FABP6: variants seen among roughly 807,000 people sequenced by gnomAD.
The protein encoded by FABP6 is gastrotropin.
FABP6 carries 13 observed loss-of-function variants against 14.9 expected under a neutral mutation model. That is an observed-to-expected ratio of 0.87 (90% CI 0.57 to 1.39). The LOEUF is 1.39. Among genes scored for constraint, FABP6 ranks in the 40% most tolerant of loss-of-function variants. The pLI is 0.00. For synonymous variants in FABP6, 75 were observed against 63.6 expected (o/e 1.18, Z -0.85); for missense variants, 161 against 167.2 (o/e 0.96, Z 0.20).
At chr5:160,205,542 T>C (rs1274306975) in intron 2 of FABP6, among the ~76,000 whole-genome samples, 11 of 152,162 alleles carry the variant, frequency 7.2e-5, no homozygotes, top group Admixed American at 7.2e-4. Flanking sequence ...CCAACCCTGC[T>C]CCAGGAGAGG....
intron 2 of FABP6, among the ~76,000 whole-genome samples, chr5:160,199,721 CT>C (rs1759592179): frequency 6.6e-6 from 1 of 152,218 alleles, no homozygotes; most frequent in Non-Finnish European, 1.5e-5. Flanking sequence ...GGTAGCCTAT[CT>C]TGTGGTGAGC....
At chr5:160,194,970 T>C (rs1759481231) in intron 1 of FABP6, among the ~76,000 whole-genome samples, 1 of 152,190 alleles carries the variant, frequency 6.6e-6, no homozygotes, top group Non-Finnish European at 1.5e-5. Context: ...AGACAGAGTA[T>C]TTCCTGGGAA....
At chr5:160,200,396 C>T (rs1447608883) in intron 2 of FABP6, among the ~76,000 whole-genome samples, 1 of 147,432 alleles carries the variant, frequency 6.8e-6, no homozygotes, top group Non-Finnish European at 1.5e-5. Flanking sequence ...TGCAAACGCC[C>T]GTTGAGTCCT....
chr5:160,234,627 A>G (rs1760466925), intron 2 of FABP6, among the ~76,000 whole-genome samples, 193 bp from the exon 3 acceptor site: 1 of 151,960 alleles, frequency 6.6e-6, no homozygotes. Context: ...GGGTTTCACC[A>G]CGTTGGCCAG....
rs1256308648 is a variant in FABP6 at position 160,192,169 on chromosome 5, G to C, written c.-59+4715G>C. ...GTCACCTACCCAGCCAGCCTTCCCT[G>C]GCAATCCCCACTGGTCCTCTTTTTC... On this transcript the variant is annotated intron_variant, in intron 1 of 6. Transcript: ENST00000393980. Among the ~76,000 whole-genome samples the C allele has an allele frequency of 2.0e-5, 3 of 151,906 alleles. No individual in the cohort carries two copies. In the East Asian group the frequency reaches 5.8e-4, roughly 29 times the overall value.
chr5:160,221,656 A>T lies in FABP6; in HGVS notation c.135+7837A>T, dbSNP rs191669117. Among the ~76,000 whole-genome samples the T allele has an allele frequency of 4.1e-3, 626 of 152,074 alleles. 9 individuals carry two copies. The highest frequency in any genetic ancestry group is 2.3e-3 in the Non-Finnish European group (157 of 68,002). On this transcript the variant is annotated intron_variant, in intron 3 of 6. Coordinates refer to the FABP6 transcript ENST00000393980. The stretch of plus-strand genomic sequence containing the variant: ...TGCCTAGAGCATGGCGACAAAACAT[A>T]CTCTATTAGTGGATTTGTCCATTTG...
chr5:160,206,860 T>C (rs892354102), intron 2 of FABP6, among the ~76,000 whole-genome samples: 3 of 152,156 alleles, frequency 2.0e-5, no homozygotes, highest in African/African-American at 7.2e-5. Context: ...ACCTGGGTCA[T>C]GGATGCTAGA....
chr5:160,193,195 G>A lies in FABP6; in HGVS notation c.-59+5741G>A, dbSNP rs143253145. Among the ~76,000 whole-genome samples, 1,454 of 152,202 alleles carry A rather than the reference G, an allele frequency of 9.6e-3. 29 individuals are homozygous for A. The highest frequency in any genetic ancestry group is 0.033 in the African/African-American group (1,379 of 41,502). ...GTTCAGAGTTTCTTCCTTCTGGTGG[G>A]TTCGTGGTCTCGCTGGCTCAGGGGT... is the stretch of plus-strand genomic sequence containing the variant. On this transcript the variant is annotated intron_variant, in intron 1 of 6. Coordinates refer to the FABP6 transcript ENST00000393980.
chr5:160,192,504 TG>T (rs2113053379), intron 1 of FABP6, among the ~76,000 whole-genome samples: 1 of 152,386 alleles, frequency 6.6e-6, no homozygotes, highest in Non-Finnish European at 1.5e-5. Context: ...ACATAGTAAG[TG>T]CTCAACATAT....
chr5:160,190,942 C>G (rs890052774), intron 1 of FABP6, among the ~76,000 whole-genome samples: 5 of 128,748 alleles, frequency 3.9e-5, no homozygotes, highest in African/African-American at 6.4e-5. Context: ...GAAACCCCAT[C>G]TCTACTAAAC....
At chr5:160,192,153 C>G (rs1483732382) in intron 1 of FABP6, among the ~76,000 whole-genome samples, 1 of 152,062 alleles carries the variant, frequency 6.6e-6, no homozygotes, top group Admixed American at 6.6e-5. Context: ...TGTCACCTAC[C>G]CAGCCAGCCT....
At chr5:160,202,066 T>C (rs1759652610) in intron 2 of FABP6, among the ~76,000 whole-genome samples, 1 of 152,202 alleles carries the variant, frequency 6.6e-6, no homozygotes, top group African/African-American at 2.4e-5. Context: ...ACCCAGCCAT[T>C]CATTCACTGA....
At chr5:160,221,766 T>C (rs928654781) in intron 3 of FABP6, among the ~76,000 whole-genome samples, 1 of 152,220 alleles carries the variant, frequency 6.6e-6, no homozygotes, top group South Asian at 2.1e-4. Context: ...TGTATATCTA[T>C]GTATATAGCT....
rs181640048 is a variant in FABP6 at position 160,207,439 on chromosome 5, C to T, written c.52-6297C>T. Among the ~76,000 whole-genome samples, 5 of 152,254 alleles carry T rather than the reference C, an allele frequency of 3.3e-5. No individual in the cohort carries two copies. The East Asian group carries it at 9.6e-4, about 29-fold the overall frequency. ...TTTAGGTTTTCTGCTCTAAATTACC[C>T]TTCTTTTGTTTCTTTTTTATAACAG... On this transcript the variant is annotated intron_variant, in intron 2 of 6. Transcript: ENST00000393980.
At chr5:160,234,650 C>A (rs948509395) in intron 2 of FABP6, among the ~76,000 whole-genome samples, 170 bp from the exon 3 acceptor site, 1 of 152,130 alleles carries the variant, frequency 6.6e-6, no homozygotes, top group Non-Finnish European at 1.5e-5. Context: ...TGGTCTCGAA[C>A]TCCTGACCTC....
intron 3 of FABP6, 134 bp from the exon 4 acceptor site, chr5:160,238,472 G>A (rs1003410487): frequency 5.7e-6 from 4 of 696,724 alleles, no homozygotes; most frequent in Non-Finnish European, 7.6e-6. Context: ...TTGGGAAACT[G>A]AGGCCGAAAG....
chr5:160,201,001 A>G (rs888919), intron 2 of FABP6, among the ~76,000 whole-genome samples: 135,944 of 152,186 alleles, frequency 0.89, 60,814 homozygotes, highest in Non-Finnish European at 0.92. Flanking sequence ...ATATATACAC[A>G]TATGAATGTA....
Position 160,211,494 on chromosome 5 carries a change from C to T in FABP6, c.52-2242C>T, listed in dbSNP as rs111438542. 1.1e-4 allele frequency among the ~76,000 whole-genome samples: 17 copies of T among 152,256 alleles called. No homozygotes were observed. The East Asian group carries it at 2.3e-3, about 21-fold the overall frequency. ...TTTATTTTTAGCTCTATTCTGTCAA[C>T]GAGGACACCCCAGTACAGAGGTTAA... On this transcript the variant is annotated intron_variant, in intron 2 of 6. Transcript: ENST00000393980.
At chr5:160,236,015 T>C (rs80282800) in intron 3 of FABP6, among the ~76,000 whole-genome samples, 1 of 142,658 alleles carries the variant, frequency 7.0e-6, no homozygotes, top group South Asian at 2.2e-4. Context: ...CTCTCATGTC[T>C]GTTTTTTTTT....
Sources: gnomAD v4.1 joint callset for allele counts (sites outside exome capture counted in the v4.1 genomes callset) on GRCh38, gnomAD v4.1.1 for gene constraint, MANE v1.5 for transcripts, NCBI Gene and HGNC (gene_info 2026-07-23, HGNC 2026-07-21) for gene names.